Variants in SYNJ2 observed in about 807,000 individuals in gnomAD.
The protein encoded by SYNJ2 is polyphosphatidylinositol phosphatase SYNJ2.
In SYNJ2, 116 loss-of-function variants were observed where a neutral mutation model predicts 141.3. The observed-to-expected ratio is 0.82, with a 90% CI of 0.71 to 0.96. The LOEUF is 0.96. Among genes scored for constraint, SYNJ2 ranks in the 40% least tolerant of loss-of-function variants. SYNJ2 has a pLI of 0.00. For missense variants in SYNJ2, 1,873 were observed against 1,934.8 expected (o/e 0.97, Z 0.60); for synonymous variants, 745 against 777.7 (o/e 0.96, Z 0.70).
chr6:157,994,247 G>C (rs551321287), intron 1 of SYNJ2, among the ~76,000 whole-genome samples: 1 of 152,192 alleles, frequency 6.6e-6, no homozygotes, highest in African/African-American at 2.4e-5. Flanking sequence ...TTTAAGAGGA[G>C]GTGACCGTTC....
chr6:158,074,269 G>T (rs2128379247), intron 15 of SYNJ2, among the ~76,000 whole-genome samples: 1 of 152,306 alleles, frequency 6.6e-6, no homozygotes, highest in African/African-American at 2.4e-5. Flanking sequence ...AAGTAAGGGT[G>T]CATCTGATCT....
chr6:158,033,564 A>C lies in SYNJ2; in HGVS notation c.595A>C (p.Lys199Gln), dbSNP rs749025885. Residue 199 changes from lysine to glutamine, a missense_variant, in exon 4 of 27, where the codon AAG becomes CAG. By Grantham distance (53) the Lys-to-Gln change is moderately conservative (BLOSUM62 1). Coordinates refer to ENST00000355585, the MANE Select transcript of SYNJ2 (RefSeq NM_003898.4). The stretch of plus-strand genomic sequence containing the variant: ...CATCCGCACCGTGTATGCCTCCCAC[A>C]AGCAGGCCAAGGCCTGCCTCGTCTC... ...VTIRTVYASHKQAKACLVSRV... is the reference protein window; with the variant it reads ...VTIRTVYASHQQAKACLVSRV... The C allele has an allele frequency of 1.2e-5, 19 of 1,614,032 alleles. No individual in the cohort carries two copies. In the Admixed American group the frequency reaches 1.8e-4, roughly 16 times the overall value.
In SYNJ2 at chr6:157,990,526, C is replaced by G. The variant is rs572711319; in HGVS notation, c.127+8438C>G. Among the ~76,000 whole-genome samples, 20 of 152,320 alleles carry G rather than the reference C, an allele frequency of 1.3e-4. No homozygotes were observed. In the South Asian group the frequency reaches 3.7e-3, roughly 28 times the overall value. ...TAGGATGTGGTCTCCCTGAGCAGAACTCTGACTCTAAATTCTCTCCTGGCT... is the reference window on the plus strand; with the variant it reads ...TAGGATGTGGTCTCCCTGAGCAGAAGTCTGACTCTAAATTCTCTCCTGGCT... On this transcript the variant is annotated intron_variant, in intron 1 of 26. Coordinates refer to ENST00000355585, the MANE Select transcript of SYNJ2 (RefSeq NM_003898.4).
chr6:157,991,205 G>A (rs1562309388), intron 1 of SYNJ2, among the ~76,000 whole-genome samples: 2 of 152,190 alleles, frequency 1.3e-5, no homozygotes, highest in Non-Finnish European at 2.9e-5. Flanking sequence ...AAAGTGGTGA[G>A]TGCGTTGTGA....
intron 5 of SYNJ2, among the ~76,000 whole-genome samples, chr6:158,044,551 A>G (rs1780135391): frequency 6.6e-6 from 1 of 152,244 alleles, no homozygotes; most frequent in Non-Finnish European, 1.5e-5. Context: ...TCCTGAGGAC[A>G]GCTGTGACAC....
At chr6:158,017,749 C>G (rs1778543616) in intron 2 of SYNJ2, 1 of 532,100 alleles carries the variant, frequency 1.9e-6, no homozygotes, top group South Asian at 1.4e-5. Flanking sequence ...TTCTTTATGC[C>G]TCGGGACCTG....
intron 3 of SYNJ2, 21 bp from the exon 4 acceptor site, chr6:158,033,434 G>A: frequency 6.2e-7 from 1 of 1,611,482 alleles, no homozygotes; most frequent in Non-Finnish European, 8.5e-7. Flanking sequence ...ACTGGAATTG[G>A]TGTGGGACTG....
chr6:158,095,715 C>G lies in SYNJ2; in HGVS notation c.3842C>G (p.Pro1281Arg). The G allele has an allele frequency of 1.2e-6, 2 of 1,614,038 alleles. No homozygotes were observed. Among genetic ancestry groups the G allele is most frequent in the Non-Finnish European group, 1.7e-6 (2 of 1,179,866 alleles). The change falls in exon 27 of 27, where the codon CCT becomes CGT. Residue 1281 changes from proline (P) to arginine (R), a missense_variant. Physicochemically the swap from Pro to Arg is moderately radical, Grantham distance 103 (BLOSUM62 -2). Coordinates refer to ENST00000355585, the MANE Select transcript of SYNJ2 (RefSeq NM_003898.4). ...GAGGCCCCTCCTGTCGTGACAGCCC[C>G]TCGAGTCCCTCCTGTTCCCAAACCA... ...SVEAPPVVTA[P>R]RVPPVPKPRT...
rs1369607253 is a variant in SYNJ2, at chr6:158,097,441, C to T, written c.*1077C>T. On this transcript the variant is annotated 3_prime_UTR_variant, in exon 27 of 27. Coordinates refer to ENST00000355585, the MANE Select transcript of SYNJ2 (RefSeq NM_003898.4). ...TCACCTATTCAATAACTGAAAAAGACATTACCATAGTGCTTTACATTTTTA... is the reference window on the plus strand; with the variant it reads ...TCACCTATTCAATAACTGAAAAAGATATTACCATAGTGCTTTACATTTTTA... The T allele has an allele frequency of 6.6e-6, 1 of 152,222 alleles. No individual in the cohort carries two copies. The highest frequency in any genetic ancestry group is 1.5e-5 in the Non-Finnish European group (1 of 68,036). The allele number at this position is 152,222 out of a possible 1,614,324, so 9.4% of individuals were successfully genotyped here. A position where few individuals can be genotyped will look rare whatever the true frequency, so the allele number is the denominator to read the frequency against.
At chr6:158,000,064 CTTTTTTTTTTTTTTTTTTTTTTTTTT>C (rs58284240) in intron 1 of SYNJ2, among the ~76,000 whole-genome samples, 85 of 85,586 alleles carry the variant, frequency 9.9e-4, no homozygotes, top group East Asian at 9.2e-4. Context: ...AGCCAAAAGG[CTTTTTTTTTTTTTTTTTTTTTTTTTT>C]TTTTTTTTTT....
intron 5 of SYNJ2, among the ~76,000 whole-genome samples, chr6:158,047,824 T>C (rs1278908920): frequency 1.1e-5 from 1 of 88,420 alleles, no homozygotes; most frequent in Non-Finnish European, 2.3e-5. Context: ...ATCTAGAATC[T>C]AAAAAGTACT....
At position 158,078,074 on chromosome 6, in the gene SYNJ2, G is replaced by A. The variant is rs113895423; in HGVS notation, c.2450-90G>A. 8.8e-4 allele frequency: 737 copies of A among 839,632 alleles called. 8 individuals carry two copies. In the African/African-American group the frequency reaches 0.011, roughly 12 times the overall value. The allele number at this position is 839,632 out of a possible 1,614,324, so 52.0% of individuals were successfully genotyped here. On this transcript the variant is annotated intron_variant, in intron 17 of 26. Transcript: ENST00000355585. Reference sequence around the variant, plus strand: ...TCTGGGACGTGGGGTGGTTCGTGGCGCAGACCTCTATTGTGGAAGTGTCAT... The same window carrying A: ...TCTGGGACGTGGGGTGGTTCGTGGCACAGACCTCTATTGTGGAAGTGTCAT...
chr6:158,037,086 G>A (rs1231669896), intron 4 of SYNJ2, among the ~76,000 whole-genome samples: 6 of 152,100 alleles, frequency 3.9e-5, no homozygotes, highest in East Asian at 3.9e-4. Flanking sequence ...AAAGCAAACC[G>A]CATGCATTTC....
intron 2 of SYNJ2, among the ~76,000 whole-genome samples, chr6:158,017,986 G>A (rs921019789): frequency 2.6e-5 from 4 of 152,242 alleles, no homozygotes; most frequent in Non-Finnish European, 5.9e-5. Flanking sequence ...AGGCGGGTGG[G>A]TGAAGACAGG....
At chr6:157,988,222 G>T (rs1777280760) in intron 1 of SYNJ2, among the ~76,000 whole-genome samples, 1 of 152,242 alleles carries the variant, frequency 6.6e-6, no homozygotes, top group South Asian at 2.1e-4. Context: ...CACTAGCTGG[G>T]ACTCTGTGTG....
intron 23 of SYNJ2, 59 bp downstream of exon 23, chr6:158,087,048 C>A: frequency 6.4e-7 from 1 of 1,560,436 alleles, no homozygotes; most frequent in South Asian, 1.1e-5. Context: ...CGCGCGTTCC[C>A]TGCTACTGAA....
chr6:158,092,198 C>T (rs1023249368), intron 25 of SYNJ2, among the ~76,000 whole-genome samples: 22 of 151,864 alleles, frequency 1.4e-4, no homozygotes, highest in Non-Finnish European at 2.9e-4. Context: ...TTGGTCATGG[C>T]CCCATTGAGA....
chr6:158,011,928 T>C (rs1562322583), intron 1 of SYNJ2, among the ~76,000 whole-genome samples: 1 of 152,184 alleles, frequency 6.6e-6, no homozygotes, highest in Non-Finnish European at 1.5e-5. Flanking sequence ...GTCGGAATTA[T>C]TTTATTGCAT....
chr6:158,089,959 C>T lies in SYNJ2; in HGVS notation c.3565+12C>T, dbSNP rs2128398909. 6.3e-7 allele frequency: 1 copy of T among 1,598,184 alleles called. No homozygotes were observed. Among genetic ancestry groups the T allele is most frequent in the Middle Eastern group, 1.7e-4 (1 of 6,030 alleles). Reference sequence around the variant, plus strand: ...GGAAGCCAGAGGAGGTAGGTGCTTTCCTGGGGGCAGGGGAAAAACCAATTC... The same window carrying T: ...GGAAGCCAGAGGAGGTAGGTGCTTTTCTGGGGGCAGGGGAAAAACCAATTC... On this transcript the variant is annotated intron_variant, in intron 25 of 26. Coordinates refer to ENST00000355585, the MANE Select transcript of SYNJ2 (RefSeq NM_003898.4).
Sources: allele counts gnomAD v4.1 joint callset (sites outside exome capture counted in the v4.1 genomes callset), GRCh38; gene constraint gnomAD v4.1.1; transcripts MANE v1.5; gene names NCBI Gene and HGNC (gene_info 2026-07-23, HGNC 2026-07-21).